TTLL7: variants seen among roughly 807,000 people sequenced by gnomAD.
TTLL7 encodes the protein tubulin tyrosine ligase like 7.
TTLL7 carries 53 observed loss-of-function variants against 120.2 expected under a neutral mutation model. The ratio of observed to expected loss-of-function variants is 0.44; its 90% CI spans 0.35 to 0.55. TTLL7 has a LOEUF of 0.55. TTLL7 is among the 20% of genes least tolerant of loss of function. The probability of loss-of-function intolerance (pLI) is 0.00; values close to 1 mark genes in which losing one functional copy is unlikely to be tolerated. For missense variants in TTLL7, 803 were observed against 1,054.7 expected, an observed-to-expected ratio of 0.76 and a Z score of 3.31; for synonymous variants, 353 against 351.7, an observed-to-expected ratio of 1.00 and a Z score of -0.04.
At chr1:83,890,815 A>G (rs1287069916) in intron 18 of TTLL7, among the ~76,000 whole-genome samples, 1 of 152,156 alleles carries the variant, frequency 6.6e-6, no homozygotes, top group Non-Finnish European at 1.5e-5. Context: ...AAATAGGCCC[A>G]TGCATTTATG....
chr1:83,997,417 A>T (rs1161824310), intron 1 of TTLL7, among the ~76,000 whole-genome samples: 3 of 152,220 alleles, frequency 2.0e-5, no homozygotes, highest in Non-Finnish European at 4.4e-5. Context: ...AGGAGCATAG[A>T]AGGTCAATAT....
At chr1:83,902,824 A>G (rs1266476802) in intron 18 of TTLL7, among the ~76,000 whole-genome samples, 2 of 151,998 alleles carry the variant, frequency 1.3e-5, no homozygotes. Context: ...TGGATGTCCA[A>G]TCAATATATC....
chr1:83,929,297 T>TTGGTGGGATCCCACATTG, intron 9 of TTLL7, 67 bp from the exon 10 acceptor site: 1 of 1,235,816 alleles, frequency 8.1e-7, no homozygotes, highest in Non-Finnish European at 1.2e-6. Context: ...GTTAATCCAA[T>TTGGTGGGATCCCACATTG]GTGGGATCTC....
intron 18 of TTLL7, among the ~76,000 whole-genome samples, chr1:83,891,226 C>A (rs944217970): frequency 1.3e-5 from 2 of 151,194 alleles, no homozygotes; most frequent in Non-Finnish European, 2.9e-5. Flanking sequence ...ATATATCCAG[C>A]AAAACATTAG....
chr1:83,913,268 T>C (rs546317698), intron 14 of TTLL7, among the ~76,000 whole-genome samples: 1 of 152,302 alleles, frequency 6.6e-6, no homozygotes, highest in South Asian at 2.1e-4. Context: ...GTAGGCTATA[T>C]ATAAAAAATG....
At chr1:83,974,515 C>T (rs1651281979) in intron 1 of TTLL7, among the ~76,000 whole-genome samples, 2 of 151,912 alleles carry the variant, frequency 1.3e-5, no homozygotes, top group African/African-American at 2.4e-5. Context: ...CAGCAGACTA[C>T]TAAATGTATC....
At chr1:83,993,090 C>A (rs1023966831) in intron 1 of TTLL7, among the ~76,000 whole-genome samples, 1 of 152,132 alleles carries the variant, frequency 6.6e-6, no homozygotes, top group African/African-American at 2.4e-5. Flanking sequence ...CTAACTTTTT[C>A]TACCAACACT....
chr1:83,954,611 T>C (rs1449307111), intron 1 of TTLL7, among the ~76,000 whole-genome samples: 1 of 152,170 alleles, frequency 6.6e-6, no homozygotes, highest in Non-Finnish European at 1.5e-5. Flanking sequence ...CTTTTGAAAA[T>C]CCTGCTGTCC....
At chr1:83,882,144 C>T (rs1017682729) in intron 20 of TTLL7, among the ~76,000 whole-genome samples, 12 of 150,206 alleles carry the variant, frequency 8.0e-5, no homozygotes, top group South Asian at 2.1e-4. Flanking sequence ...TGGTAAATGA[C>T]GAGTTAATGG....
chr1:83,913,769 A>G (rs1657868420), intron 14 of TTLL7, among the ~76,000 whole-genome samples: 2 of 152,144 alleles, frequency 1.3e-5, no homozygotes, highest in Non-Finnish European at 2.9e-5. Flanking sequence ...AAAGGGACTG[A>G]ACAAATCAGA....
At chr1:83,933,856 G>T in intron 8 of TTLL7, 90 bp from the exon 9 acceptor site, 1 of 1,302,670 alleles carries the variant, frequency 7.7e-7, no homozygotes, top group Non-Finnish European at 1.1e-6. Flanking sequence ...TGGCAGCCTG[G>T]CCAAGTTTAC....
At position 83,931,620 on chromosome 1, in the gene TTLL7, T is replaced by C. The variant is rs1413794262; in HGVS notation, c.1047+1988A>G. ...CACCAGGGCAAGTATTCTGTCTTCT[T>C]ATATTCCCACCACCTAACACAATGA... On this transcript the variant is annotated intron_variant, in intron 9 of 20. Transcript: ENST00000260505. 3.9e-5 allele frequency among the ~76,000 whole-genome samples: 6 copies of C among 152,142 alleles called. No homozygotes were observed. The East Asian group carries it at 1.2e-3, about 29-fold the overall frequency.
intron 17 of TTLL7, among the ~76,000 whole-genome samples, chr1:83,905,377 C>G (rs1480601330): frequency 1.3e-5 from 2 of 151,436 alleles, no homozygotes; most frequent in African/African-American, 2.4e-5. Context: ...GCAAGAAAGT[C>G]TCTTTTATTG....
At chr1:83,878,384 T>C (rs1557521636) in intron 20 of TTLL7, among the ~76,000 whole-genome samples, 1 of 151,970 alleles carries the variant, frequency 6.6e-6, no homozygotes, top group South Asian at 2.1e-4. Flanking sequence ...TCTTCCTCTA[T>C]GGTTGTAAAT....
intron 1 of TTLL7, among the ~76,000 whole-genome samples, chr1:83,955,062 G>C (rs1649390494): frequency 6.6e-6 from 1 of 152,154 alleles, no homozygotes; most frequent in African/African-American, 2.4e-5. Flanking sequence ...ATTTGTGCTA[G>C]AGTACCATTT....
intron 9 of TTLL7, among the ~76,000 whole-genome samples, chr1:83,931,201 A>G (rs1172574717): frequency 6.6e-6 from 1 of 152,040 alleles, no homozygotes. Context: ...TCAAAATTCA[A>G]CAGCTTGTAA....
At chr1:83,956,201 C>T (rs1649493929) in intron 1 of TTLL7, among the ~76,000 whole-genome samples, 1 of 152,010 alleles carries the variant, frequency 6.6e-6, no homozygotes. Flanking sequence ...CCACAATCCT[C>T]CTGCTTCAAC....
intron 20 of TTLL7, among the ~76,000 whole-genome samples, chr1:83,881,692 G>C (rs1206753435): frequency 6.6e-6 from 1 of 151,576 alleles, no homozygotes; most frequent in Non-Finnish European, 1.5e-5. Flanking sequence ...ATTCCTCAGG[G>C]ATCTAGACCT....
chr1:83,931,409 C>A (rs1659588085), intron 9 of TTLL7, among the ~76,000 whole-genome samples: 1 of 151,896 alleles, frequency 6.6e-6, no homozygotes, highest in Admixed American at 6.6e-5. Context: ...CAGCCCCCAG[C>A]CCCTACCCCA....
Sources: gnomAD v4.1 joint callset for allele counts (sites outside exome capture counted in the v4.1 genomes callset) on GRCh38, gnomAD v4.1.1 for gene constraint, MANE v1.5 for transcripts, NCBI Gene and HGNC (gene_info 2026-07-23, HGNC 2026-07-21) for gene names.